The following MCF2L variants were observed in gnomAD, a reference collection of about 807,000 sequenced individuals.
MCF2L encodes guanine nucleotide exchange factor DBS.
Under a neutral mutation model 153.4 loss-of-function variants are expected in MCF2L, and 97 were observed. The observed-to-expected ratio is 0.63, with a 90% CI of 0.54 to 0.75. The LOEUF (loss-of-function observed/expected upper bound fraction) is 0.75. MCF2L is among the 30% of genes least tolerant of loss of function. The pLI, the probability that MCF2L is intolerant of heterozygous loss-of-function variation, is 0.00. For synonymous variants in MCF2L, 659 were observed against 632.2 expected (o/e 1.04, Z -0.64); for missense variants, 1,347 against 1,495.2 (o/e 0.90, Z 1.64).
chr13:112,980,045 G>T (rs2082349952), intron 1 of MCF2L, among the ~76,000 whole-genome samples: 1 of 152,220 alleles, frequency 6.6e-6, no homozygotes, highest in South Asian at 2.1e-4. Context: ...TGGACTCAAA[G>T]CGAGGGAAGC....
At chr13:112,989,365 G>GA (rs1326274159) in intron 1 of MCF2L, among the ~76,000 whole-genome samples, 4 of 125,306 alleles carry the variant, frequency 3.2e-5, no homozygotes, top group African/African-American at 1.2e-4. Context: ...GAGCTACCAC[G>GA]CCAGAGTCCT....
chr13:112,906,997 C>T (rs2081179411), intron 2 of MCF2L, among the ~76,000 whole-genome samples: 1 of 152,206 alleles, frequency 6.6e-6, no homozygotes, highest in South Asian at 2.1e-4. Context: ...TGAAGAAGAG[C>T]AGCGAAGAAA....
chr13:113,048,532 CCCG>C (rs2086982203), intron 4 of MCF2L, among the ~76,000 whole-genome samples: 1 of 46,186 alleles, frequency 2.2e-5, no homozygotes, highest in Non-Finnish European at 6.2e-5. Context: ...GCTCTGCCTC[CCCG>C]GGTTCACGCC....
At chr13:112,987,934 C>G (rs966238751) in intron 1 of MCF2L, among the ~76,000 whole-genome samples, 1 of 152,278 alleles carries the variant, frequency 6.6e-6, no homozygotes, top group African/African-American at 2.4e-5. Context: ...CACCCATTGT[C>G]ACAGTTACTT....
chr13:113,091,219 G>A lies in MCF2L; in HGVS notation c.2953+1491G>A, dbSNP rs1248743589. The A allele has an allele frequency of 5.4e-6, 7 of 1,303,638 alleles. No individual in the cohort carries two copies. In the South Asian group the frequency reaches 8.6e-5, roughly 16 times the overall value. The allele number at this position is 1,303,638 out of a possible 1,614,324, so 80.8% of individuals were successfully genotyped here. A position where few individuals can be genotyped will look rare whatever the true frequency, so the allele number is the denominator to read the frequency against. On this transcript the variant is annotated intron_variant, in intron 26 of 29. Coordinates refer to ENST00000535094, the MANE Select transcript of MCF2L (RefSeq NM_001112732.3). ...AGGTAGAGTGGCACCCTCGGGCACGGCACCCACTCTGCGTTGGCAGGAAGC... is the reference window on the plus strand; with the variant it reads ...AGGTAGAGTGGCACCCTCGGGCACGACACCCACTCTGCGTTGGCAGGAAGC...
intron 27 of MCF2L, chr13:113,095,658 C>G: frequency 1.0e-6 from 1 of 992,926 alleles, no homozygotes; most frequent in Non-Finnish European, 1.2e-6. Flanking sequence ...TGCTCCAGGC[C>G]ATCACGTGAG....
At chr13:112,895,911 G>T (rs2081063258) in intron 1 of MCF2L, among the ~76,000 whole-genome samples, 1 of 152,208 alleles carries the variant, frequency 6.6e-6, no homozygotes. Context: ...AGGTGTCCGT[G>T]GCTCAAACTT....
Position 113,053,215 on chromosome 13 carries a change from T to C in MCF2L, c.370-7378T>C, listed in dbSNP as rs549242336. Among the ~76,000 whole-genome samples the C allele has an allele frequency of 4.6e-5, 7 of 152,362 alleles. No homozygotes were observed. The East Asian group carries it at 1.3e-3, about 29-fold the overall frequency. ...GGGGCTTTCTCCACGTGCCCCGTCA[T>C]GTCCTTCCTGTATTTGTTAAAATCC... is the stretch of plus-strand genomic sequence containing the variant. On this transcript the variant is annotated intron_variant, in intron 4 of 29. Coordinates refer to ENST00000535094, the MANE Select transcript of MCF2L (RefSeq NM_001112732.3). The surrounding 1 kb of genome is among the most constrained non-coding windows in gnomAD (Gnocchi z 4.4).
chr13:112,970,727 T>C (rs1401106760), intron 1 of MCF2L, among the ~76,000 whole-genome samples: 3 of 152,126 alleles, frequency 2.0e-5, no homozygotes, highest in African/African-American at 4.8e-5. Flanking sequence ...GCTGATGTCA[T>C]TCCCCAGGTT....
intron 2 of MCF2L, among the ~76,000 whole-genome samples, chr13:112,905,145 C>T (rs2081159790): frequency 1.3e-5 from 2 of 152,206 alleles, no homozygotes; most frequent in Admixed American, 1.3e-4. Flanking sequence ...TAAAGGATTT[C>T]TCAACAAGGC....
rs1286697853 is a variant in MCF2L, at chr13:113,053,112, T to G, written c.370-7481T>G. Among the ~76,000 whole-genome samples, 1 of 152,100 alleles carries G rather than the reference T, an allele frequency of 6.6e-6. No individual in the cohort carries two copies. The highest frequency in any genetic ancestry group is 1.5e-5 in the Non-Finnish European group (1 of 68,002). ...CATCCCGGATTGCTGACATGGTGTC[T>G]CCTGAGTGGAGCTGCCCTCTGCATA... On this transcript the variant is annotated intron_variant, in intron 4 of 29. Coordinates refer to ENST00000535094, the MANE Select transcript of MCF2L (RefSeq NM_001112732.3). This position sits in a 1 kb window ranked among gnomAD's most constrained non-coding sequence, Gnocchi z 4.4.
chr13:113,038,861 T>G (rs1009644615), intron 3 of MCF2L, among the ~76,000 whole-genome samples: 4 of 152,200 alleles, frequency 2.6e-5, no homozygotes, highest in Admixed American at 1.3e-4. Flanking sequence ...TTTATTGATT[T>G]ATTTATTTAT....
chr13:113,032,511 G>A (rs943584384), intron 3 of MCF2L, among the ~76,000 whole-genome samples: 6 of 152,210 alleles, frequency 3.9e-5, no homozygotes, highest in Admixed American at 1.3e-4. Flanking sequence ...TCTGTTCAGC[G>A]GTGTGTCGTG....
rs1205300523 is a variant in MCF2L at position 113,078,821 on chromosome 13, A to T, written c.1808+82A>T. The T allele has an allele frequency of 1.5e-5, 18 of 1,217,906 alleles. No individual in the cohort carries two copies. In the South Asian group the frequency reaches 1.9e-4, roughly 13 times the overall value. 75.4% of individuals were successfully genotyped at this position (1,217,906 alleles called of 1,614,324 possible). ...CAGATGCCGTCAGGCACTCGAGCAGATGCCTCACAGATAGAAGGCTGGTGC... is the reference window on the plus strand; with the variant it reads ...CAGATGCCGTCAGGCACTCGAGCAGTTGCCTCACAGATAGAAGGCTGGTGC... On this transcript the variant is annotated intron_variant, in intron 15 of 29. Transcript: ENST00000535094.
At chr13:112,986,180 G>T (rs1164405978) in intron 1 of MCF2L, among the ~76,000 whole-genome samples, 2 of 150,200 alleles carry the variant, frequency 1.3e-5, no homozygotes, top group African/African-American at 5.1e-5. Flanking sequence ...TGCGGTCGGG[G>T]TCTGATCCTG....
At chr13:113,011,468 A>G (rs9549333) in intron 1 of MCF2L, among the ~76,000 whole-genome samples, 68,567 of 146,894 alleles carry the variant, frequency 0.47, 16,038 homozygotes, top group South Asian at 0.69. Flanking sequence ...ACTGCAGTGC[A>G]GATGGTGGAC....
In MCF2L at chr13:112,951,288, A is replaced by G. The variant is rs2081690573; in HGVS notation, c.169+48917A>G. On this transcript the variant is annotated intron_variant, in intron 2 of 29. Transcript: ENST00000375608. This position sits in a 1 kb window ranked among gnomAD's most constrained non-coding sequence, Gnocchi z 4.8. ...AATAGTATAGCCACTTTGGAAAACA[A>G]TTTAGCAGTTTCTTTTAAAACAAAA... 6.6e-6 allele frequency among the ~76,000 whole-genome samples: 1 copy of G among 152,236 alleles called. No individual in the cohort carries two copies. The highest frequency in any genetic ancestry group is 1.5e-5 in the Non-Finnish European group (1 of 68,046).
At chr13:113,085,264 G>GCCCTGCC in intron 20 of MCF2L, 86 bp downstream of exon 20, 1 of 1,152,608 alleles carries the variant, frequency 8.7e-7, no homozygotes, top group Non-Finnish European at 1.3e-6. Context: ...TCCCCATCGC[G>GCCCTGCC]CCCTGCCCCT....
chr13:112,976,389 G>A (rs1356989136), intron 1 of MCF2L, among the ~76,000 whole-genome samples: 2 of 152,184 alleles, frequency 1.3e-5, no homozygotes, highest in African/African-American at 2.4e-5. Flanking sequence ...GTGAGCTAAT[G>A]CCCCAAACAA....
Sources: gnomAD v4.1 joint callset for allele counts (sites outside exome capture counted in the v4.1 genomes callset) on GRCh38, gnomAD v4.1.1 for gene constraint, Gnocchi (gnomAD v3.1) non-coding constraint, MANE v1.5 for transcripts, NCBI Gene and HGNC (gene_info 2026-07-23, HGNC 2026-07-21) for gene names.